TMEM94: variants seen among roughly 807,000 people sequenced by gnomAD.
TMEM94 encodes transmembrane protein 94.
Under a neutral mutation model 158.6 loss-of-function variants are expected in TMEM94, and 81 were observed. That is an observed-to-expected ratio of 0.51 (90% confidence interval 0.43 to 0.61). TMEM94 has a LOEUF of 0.61. Ranked by LOEUF, TMEM94 falls within the 20% of genes least tolerant of loss-of-function variation. The pLI, the probability that TMEM94 is intolerant of heterozygous loss-of-function variation, is 0.00. For missense variants in TMEM94, 1,435 were observed against 1,762.0 expected, an observed-to-expected ratio of 0.81 and a Z score of 3.32; for synonymous variants, 751 against 730.7, an observed-to-expected ratio of 1.03 and a Z score of -0.45.
chr17:75,475,591 G>A (rs992895239), intron 2 of TMEM94, among the ~76,000 whole-genome samples: 3 of 152,228 alleles, frequency 2.0e-5, no homozygotes, highest in East Asian at 1.9e-4. Context: ...TGTCAAACTC[G>A]CGGTCCCTGA....
Position 75,489,059 on chromosome 17 carries a change from C to G in TMEM94, c.764+149C>G, listed in dbSNP as rs2051894133. ...CTGTCCTTAACATCTTGTGAGAATT[C>G]TTAGACTGAGTGGTGCCCTCTCCCA... On this transcript the variant is annotated intron_variant, in intron 7 of 31. Transcript: ENST00000314256. The surrounding 1 kb of genome is among the most constrained non-coding windows in gnomAD (Gnocchi z 5.0). 1 of 994,402 alleles carries G rather than the reference C, an allele frequency of 1.0e-6. No homozygotes were observed. 61.6% of individuals were successfully genotyped at this position (994,402 alleles called of 1,614,324 possible).
Position 75,499,245 on chromosome 17 carries a change from A to C in TMEM94, c.3999-17A>C. Reference sequence around the variant, plus strand: ...AGGATCTTTGCCAACCTGTACTTTAATCTCCTGCCCCACCAGGGTCCGAGT... The same window carrying C: ...AGGATCTTTGCCAACCTGTACTTTACTCTCCTGCCCCACCAGGGTCCGAGT... On this transcript the variant is annotated splice_polypyrimidine_tract_variant and intron_variant, in intron 31 of 31. Coordinates refer to ENST00000314256, the MANE Select transcript of TMEM94 (RefSeq NM_014738.6). 1 of 1,613,222 alleles carries C rather than the reference A, an allele frequency of 6.2e-7. No individual in the cohort carries two copies. Among genetic ancestry groups the C allele is most frequent in the Non-Finnish European group, 8.5e-7 (1 of 1,179,850 alleles).
chr17:75,490,967 C>A, intron 11 of TMEM94, 82 bp from the exon 12 acceptor site: 1 of 1,206,284 alleles, frequency 8.3e-7, no homozygotes, highest in Non-Finnish European at 1.2e-6. Context: ...GTGGTGCTCC[C>A]CTGGATTTTC....
At chr17:75,465,679 A>ATATATATATATTTTTT (rs1247855961) in intron 1 of TMEM94, among the ~76,000 whole-genome samples, 213 of 124,730 alleles carry the variant, frequency 1.7e-3, no homozygotes, top group Middle Eastern at 4.3e-3. Flanking sequence ...ATATATATAT[A>ATATATATATATTTTTT]TTTTTTTTTA....
At chr17:75,462,674 C>T (rs2050117917) in intron 1 of TMEM94, among the ~76,000 whole-genome samples, 2 of 150,594 alleles carry the variant, frequency 1.3e-5, no homozygotes, top group South Asian at 4.2e-4. Flanking sequence ...GAGACCCCAT[C>T]TCTATTAAAA....
At chr17:75,475,290 C>T (rs2050640392) in intron 2 of TMEM94, among the ~76,000 whole-genome samples, 1 of 152,188 alleles carries the variant, frequency 6.6e-6, no homozygotes, top group Admixed American at 6.5e-5. Context: ...TGTTTGGGGG[C>T]CGCACAGGGA....
At chr17:75,467,690 G>A (rs906291890) in intron 1 of TMEM94, among the ~76,000 whole-genome samples, 1 of 150,720 alleles carries the variant, frequency 6.6e-6, no homozygotes, top group African/African-American at 2.4e-5. Context: ...CCGCCACCGC[G>A]CCCGGCTAAT....
intron 2 of TMEM94, among the ~76,000 whole-genome samples, chr17:75,476,959 G>A (rs61356717): frequency 0.11 from 17,045 of 152,108 alleles, 1,964 homozygotes; most frequent in African/African-American, 0.29. Flanking sequence ...CCAGGTGCCC[G>A]AGTCACCCAG....
intron 2 of TMEM94, among the ~76,000 whole-genome samples, chr17:75,475,253 C>T (rs2050638798): frequency 6.6e-6 from 1 of 152,184 alleles, no homozygotes; most frequent in Non-Finnish European, 1.5e-5. Context: ...CTGCCCGGGC[C>T]CTCCCTTCTG....
rs937960941 is a variant in TMEM94 at position 75,495,423 on chromosome 17, C to T, written c.2844+24C>T. On this transcript the variant is annotated intron_variant, in intron 21 of 31. Coordinates refer to ENST00000314256, the MANE Select transcript of TMEM94 (RefSeq NM_014738.6). The surrounding 1 kb of genome is among the most constrained non-coding windows in gnomAD (Gnocchi z 5.6). ...GGGTACGATGGCAGGATCTGTCTCA[C>T]GTGTTCCTGTAGTGGTCCCATAGCT... 2.9e-5 allele frequency: 47 copies of T among 1,599,406 alleles called. No individual in the cohort carries two copies. The highest frequency in any genetic ancestry group is 4.0e-5 in the Non-Finnish European group (47 of 1,167,330).
At position 75,485,627 on chromosome 17, in the gene TMEM94, G is replaced by A; in HGVS notation, c.144+80G>A. 1 of 1,581,758 alleles carries A rather than the reference G, an allele frequency of 6.3e-7. No individual in the cohort carries two copies. The highest frequency in any genetic ancestry group is 2.2e-5 in the East Asian group (1 of 44,666). On this transcript the variant is annotated intron_variant, in intron 3 of 31. Transcript: ENST00000314256. The surrounding 1 kb of genome is among the most constrained non-coding windows in gnomAD (Gnocchi z 5.5). ...GGAGGCCCCTTCTCAGGACTCTGAT[G>A]TACCCTGTCACCCTGGACAGTGTGA...
rs1432651968 is a variant in TMEM94, at chr17:75,493,161, G to A, written c.2086+59G>A. On this transcript the variant is annotated intron_variant, in intron 16 of 31. Coordinates refer to ENST00000314256, the MANE Select transcript of TMEM94 (RefSeq NM_014738.6). ...AGACCTTCCAGAGCTTGGCAGGGGG[G>A]CTCTGCCCAGCCCCACCCATTGCTA... 13 of 1,533,470 alleles carry A rather than the reference G, an allele frequency of 8.5e-6. No individual in the cohort carries two copies. In the South Asian group the frequency reaches 9.4e-5, roughly 11 times the overall value. 95.0% of individuals were successfully genotyped at this position (1,533,470 alleles called of 1,614,324 possible). A position where few individuals can be genotyped will look rare whatever the true frequency, so the allele number is the denominator to read the frequency against.
At chr17:75,497,083 C>T (rs369997940) in intron 25 of TMEM94, 30 bp from the exon 26 acceptor site, 23 of 1,594,532 alleles carry the variant, frequency 1.4e-5, no homozygotes, top group Non-Finnish European at 1.8e-5. Flanking sequence ...CTGAATTGAA[C>T]TGTGGCTCTT....
chr17:75,478,450 A>G (rs1287455357), intron 2 of TMEM94, among the ~76,000 whole-genome samples: 2 of 152,084 alleles, frequency 1.3e-5, no homozygotes, highest in Non-Finnish European at 2.9e-5. Flanking sequence ...GAAGCGGCAC[A>G]GGAGAGCTCA....
intron 1 of TMEM94, among the ~76,000 whole-genome samples, chr17:75,464,739 A>T (rs2050243959): frequency 7.5e-6 from 1 of 133,424 alleles, no homozygotes; most frequent in Non-Finnish European, 1.6e-5. Context: ...ACGGAGTTTC[A>T]CTCTTGTTGC....
chr17:75,469,985 A>G (rs2050438927), intron 1 of TMEM94, among the ~76,000 whole-genome samples: 1 of 151,790 alleles, frequency 6.6e-6, no homozygotes, highest in Non-Finnish European at 1.5e-5. Flanking sequence ...AGGCAGGAGA[A>G]TCGCTTGAAC....
rs975352157 is a variant in TMEM94 at position 75,497,695 on chromosome 17, G to A, written c.3408-86G>A. On this transcript the variant is annotated intron_variant, in intron 26 of 31. Coordinates refer to ENST00000314256, the MANE Select transcript of TMEM94 (RefSeq NM_014738.6). ...CCCCTCACCAGACTCGACCTCACGC[G>A]CAAGACTCCCTAGAGGTTCCCTCTA... is the stretch of plus-strand genomic sequence containing the variant. 147 of 1,101,170 alleles carry A rather than the reference G, an allele frequency of 1.3e-4. 1 individual carries two copies. The highest frequency in any genetic ancestry group is 1.8e-4 in the Admixed American group (10 of 54,682). 68.2% of individuals were successfully genotyped at this position (1,101,170 alleles called of 1,614,324 possible).
At chr17:75,496,129 A>C in intron 23 of TMEM94, 55 bp downstream of exon 23, 1 of 1,528,762 alleles carries the variant, frequency 6.5e-7, no homozygotes. Flanking sequence ...AGACCGGAGG[A>C]TCAGATGGGC....
intron 2 of TMEM94, chr17:75,476,484 A>C: frequency 7.2e-7 from 1 of 1,384,136 alleles, no homozygotes; most frequent in Non-Finnish European, 9.3e-7. Context: ...CTGCAGCGTG[A>C]CTAGAAATAG....
Sources: allele counts gnomAD v4.1 joint callset (sites outside exome capture counted in the v4.1 genomes callset), GRCh38; gene constraint gnomAD v4.1.1; non-coding constraint Gnocchi (gnomAD v3.1); transcripts MANE v1.5; gene names NCBI Gene and HGNC (gene_info 2026-07-23, HGNC 2026-07-21).